ADRM1: variants seen among roughly 807,000 people sequenced by gnomAD.
ADRM1 encodes ADRM1 26S proteasome ubiquitin receptor.
Under a neutral mutation model 40.1 loss-of-function variants are expected in ADRM1, and 2 were observed. The observed-to-expected ratio is 0.05, with a 90% CI of 0.02 to 0.16. The LOEUF (loss-of-function observed/expected upper bound fraction) is 0.16, where lower values mean the gene tolerates loss of function less well. Ranked by LOEUF, ADRM1 falls within the 10% of genes least tolerant of loss-of-function variation. The pLI is 1.00. For synonymous variants in ADRM1, 287 were observed against 240.4 expected (o/e 1.19, Z -1.79); for missense variants, 467 against 552.5 (o/e 0.85, Z 1.55).
rs6062209 is a variant in ADRM1 at position 62,304,399 on chromosome 20, C to A, written c.214-62C>A. The A allele has an allele frequency of 5.0e-3, 7,151 of 1,444,584 alleles. 271 individuals carry two copies. The African/African-American group carries it at 0.085, about 17-fold the overall frequency. 89.5% of individuals were successfully genotyped at this position (1,444,584 alleles called of 1,614,324 possible). A position where few individuals can be genotyped will look rare whatever the true frequency, so the allele number is the denominator to read the frequency against. Reference sequence around the variant, plus strand: ...TTAGACCCAGGGCTCAGTACGCTCTCCTGAGACTGGGCACAGTGATGCCAT... The same window carrying A: ...TTAGACCCAGGGCTCAGTACGCTCTACTGAGACTGGGCACAGTGATGCCAT... On this transcript the variant is annotated intron_variant, in intron 2 of 9. Transcript: ENST00000253003.
intron 8 of ADRM1, 70 bp downstream of exon 8, chr20:62,308,248 G>C (rs1199422469): frequency 4.5e-6 from 7 of 1,545,292 alleles, no homozygotes; most frequent in Middle Eastern, 2.1e-4. Flanking sequence ...AGGAGGCCCT[G>C]CCCCACCTTC....
At chr20:62,305,241 T>C (rs1412743802) in intron 3 of ADRM1, among the ~76,000 whole-genome samples, 3 of 152,190 alleles carry the variant, frequency 2.0e-5, no homozygotes, top group Non-Finnish European at 4.4e-5. Context: ...AGCGTGTGCA[T>C]GCGTTTGCAG....
chr20:62,305,951 G>A (rs1010928651), intron 3 of ADRM1: 10 of 501,474 alleles, frequency 2.0e-5, no homozygotes, highest in Admixed American at 6.6e-5. Flanking sequence ...TGAAATGGGC[G>A]GAGGGGGACA....
At chr20:62,305,815 C>T (rs1028551247) in intron 3 of ADRM1, 5 of 239,964 alleles carry the variant, frequency 2.1e-5, no homozygotes, top group Non-Finnish European at 4.2e-5. Flanking sequence ...CGGGCCAGTT[C>T]GCTGCCTTCC....
rs913212725 is a variant in ADRM1, at chr20:62,303,421, C to G, written c.-1-147C>G. ...GTGCGATCGTCGTGAGCGGGGCAAA[C>G]GCGGAAAGGCAGCCCGGCGTGTCTG... is the stretch of plus-strand genomic sequence containing the variant. On this transcript the variant is annotated intron_variant, in intron 1 of 9. Coordinates refer to ENST00000253003, the MANE Select transcript of ADRM1 (RefSeq NM_007002.4). 6.5e-5 allele frequency: 52 copies of G among 802,292 alleles called. No homozygotes were observed. In the East Asian group the frequency reaches 1.4e-3, roughly 21 times the overall value. The allele number at this position is 802,292 out of a possible 1,614,324, so 49.7% of individuals were successfully genotyped here. A position where few individuals can be genotyped will look rare whatever the true frequency, so the allele number is the denominator to read the frequency against.
At chr20:62,303,502 G>T in intron 1 of ADRM1, 66 bp from the exon 2 acceptor site, 1 of 1,491,524 alleles carries the variant, frequency 6.7e-7, no homozygotes, top group South Asian at 1.3e-5. Context: ...ACCCCAGGGG[G>T]CGGGAGCTTG....
In ADRM1 at chr20:62,307,712, G is replaced by T. The variant is rs1985303423; in HGVS notation, c.740G>T (p.Ser247Ile). Residue 247 changes from serine to isoleucine, a missense_variant, in exon 7 of 10, where the codon AGT becomes ATT. Ser to Ile is a moderately radical substitution (Grantham distance 142). Coordinates refer to ENST00000253003, the MANE Select transcript of ADRM1 (RefSeq NM_007002.4). ...ASATSPSPAPSSGNGASTAAS... is the reference protein window; with the variant it reads ...ASATSPSPAPISGNGASTAAS... ...GCAACTAGCCCGAGCCCCGCGCCCA[G>T]TTCCGGGAATGGAGCCAGCACAGCA... The T allele has an allele frequency of 1.9e-6, 3 of 1,612,054 alleles. No homozygotes were observed. The African/African-American group carries it at 4.0e-5, about 22-fold the overall frequency.
chr20:62,303,857 TG>T, intron 2 of ADRM1, 76 bp downstream of exon 2: 1 of 1,483,868 alleles, frequency 6.7e-7, no homozygotes, highest in Non-Finnish European at 9.2e-7. Context: ...GAGTTCGCGG[TG>T]GGGGCTTGGC....
intron 4 of ADRM1, 22 bp from the exon 5 acceptor site, chr20:62,306,626 C>T (rs771262766): frequency 1.3e-6 from 2 of 1,592,046 alleles, no homozygotes; most frequent in South Asian, 2.3e-5. Flanking sequence ...GGCAGGCCCG[C>T]CTGAGCTGCA....
At position 62,308,846 on chromosome 20, in the gene ADRM1, T is replaced by C. The variant is rs902175027; in HGVS notation, c.*85T>C. On this transcript the variant is annotated 3_prime_UTR_variant, in exon 10 of 10. Transcript: ENST00000253003. ...CACCCACTGATTATTAATAAAGTCT[T>C]TTCTTTTACCTGCCAATGCTTAGTT... 1.4e-5 allele frequency: 22 copies of C among 1,532,928 alleles called. No individual in the cohort carries two copies. The highest frequency in any genetic ancestry group is 1.8e-5 in the Non-Finnish European group (21 of 1,141,414). 95.0% of individuals were successfully genotyped at this position (1,532,928 alleles called of 1,614,324 possible). A position where few individuals can be genotyped will look rare whatever the true frequency, so the allele number is the denominator to read the frequency against.
chr20:62,302,932 G>A (rs1188463294), upstream of ADRM1: 1 of 152,218 alleles, frequency 6.6e-6, no homozygotes, highest in Non-Finnish European at 1.5e-5. Flanking sequence ...GGCTCAATCG[G>A]CGGCGAGAGC....
chr20:62,303,827 C>G (rs760489258), intron 2 of ADRM1, 46 bp downstream of exon 2: 1 of 1,577,418 alleles, frequency 6.3e-7, no homozygotes, highest in East Asian at 2.3e-5. Flanking sequence ...ACTTCTCGGG[C>G]CCTCGGAGTC....
At chr20:62,304,067 G>A in intron 2 of ADRM1, 1 of 524,106 alleles carries the variant, frequency 1.9e-6, no homozygotes, top group East Asian at 3.3e-5. Flanking sequence ...CCTGGGGTTG[G>A]AGGTGTGGCC....
rs550484464 is a variant in ADRM1 at position 62,304,304 on chromosome 20, T to TC, written c.214-156dup. ...TCATGGGCTGTCTCTGACCCTGGCT[T>TC]CTCTGCCTTGTGGAGACCCTGCCAG... On this transcript the variant is annotated intron_variant, in intron 2 of 9. Coordinates refer to ENST00000253003, the MANE Select transcript of ADRM1 (RefSeq NM_007002.4). 53 of 621,060 alleles carry TC rather than the reference T, an allele frequency of 8.5e-5. No individual in the cohort carries two copies. In the African/African-American group the frequency reaches 9.0e-4, roughly 11 times the overall value. 38.5% of individuals were successfully genotyped at this position (621,060 alleles called of 1,614,324 possible).
At chr20:62,303,347 C>T in intron 1 of ADRM1, 1 of 460,204 alleles carries the variant, frequency 2.2e-6, no homozygotes, top group Non-Finnish European at 3.9e-6. Context: ...CTAGGGCCGG[C>T]CCCACTAGGC....
chr20:62,303,837 C>A, intron 2 of ADRM1, 56 bp downstream of exon 2: 1 of 1,568,806 alleles, frequency 6.4e-7, no homozygotes, highest in East Asian at 2.3e-5. Context: ...CCCTCGGAGT[C>A]CTCGCTTTGG....
Position 62,306,632 on chromosome 20 carries a change from C to T in ADRM1, c.455-16C>T. On this transcript the variant is annotated splice_polypyrimidine_tract_variant and intron_variant, in intron 4 of 9. Coordinates refer to ENST00000253003, the MANE Select transcript of ADRM1 (RefSeq NM_007002.4). ...TCTGGCTGGGGCAGGCCCGCCTGAG[C>T]TGCAGTGTTTTCCAGGTGAGGGTGG... is the stretch of plus-strand genomic sequence containing the variant. 2.5e-6 allele frequency: 4 copies of T among 1,599,150 alleles called. No individual in the cohort carries two copies. Among genetic ancestry groups the T allele is most frequent in the South Asian group, 1.1e-5 (1 of 89,208 alleles).
At position 62,306,318 on chromosome 20, in the gene ADRM1, G is replaced by A; in HGVS notation, c.452G>A (p.Gly151Asp). 6.2e-7 allele frequency: 1 copy of A among 1,612,774 alleles called. No individual in the cohort carries two copies. The highest frequency in any genetic ancestry group is 8.5e-7 in the Non-Finnish European group (1 of 1,179,864). ...GSSGHELSAL[G>D]GEGGLQSLLG... ...AGCGGCCACGAACTCTCTGCGCTAG[G>A]CGGTAACTGTCACATGTGTCACGTG... Residue 151 changes from glycine (G) to aspartate (D), a missense_variant and splice_region_variant, in exon 4 of 10, where the codon GGC (glycine) becomes GAC (aspartate). Transcript: ENST00000253003.
At chr20:62,307,899 A>G (rs571357050) in intron 7 of ADRM1, 71 bp downstream of exon 7, 1 of 1,552,504 alleles carries the variant, frequency 6.4e-7, no homozygotes, top group African/African-American at 1.4e-5. Flanking sequence ...CTCACCTTCC[A>G]AGGCATCTGC....
Sources: gnomAD v4.1 joint callset for allele counts (sites outside exome capture counted in the v4.1 genomes callset) on GRCh38, gnomAD v4.1.1 for gene constraint, MANE v1.5 for transcripts, NCBI Gene and HGNC (gene_info 2026-07-23, HGNC 2026-07-21) for gene names.